EPB41L4B: variants seen among roughly 807,000 people sequenced by gnomAD.
The protein encoded by EPB41L4B is band 4.1-like protein 4B.
EPB41L4B carries 30 observed loss-of-function variants against 112.5 expected under a neutral mutation model. The ratio of observed to expected loss-of-function variants is 0.27; its 90% CI spans 0.20 to 0.36. The LOEUF (loss-of-function observed/expected upper bound fraction) is 0.36. EPB41L4B is among the 10% of genes least tolerant of loss of function. The pLI is 1.00. For missense variants in EPB41L4B, 1,024 were observed against 1,133.3 expected, an observed-to-expected ratio of 0.90 and a Z score of 1.38; for synonymous variants, 408 against 439.7, an observed-to-expected ratio of 0.93 and a Z score of 0.90.
At chr9:109,317,514 C>T (rs1470501004) in intron 1 of EPB41L4B, among the ~76,000 whole-genome samples, 2 of 152,234 alleles carry the variant, frequency 1.3e-5, no homozygotes, top group Admixed American at 1.3e-4. Flanking sequence ...GACTGAGGTG[C>T]CACAGCACGG....
At position 109,292,285 on chromosome 9, in the gene EPB41L4B, C is replaced by T. The variant is rs141588875; in HGVS notation, c.307-12364G>A. On this transcript the variant is annotated intron_variant, in intron 1 of 25. Transcript: ENST00000374566. ...TGGCTGCCCTGAGACTTGGTTTCAC[C>T]CATCACTTTTTCTGGTCACAATACT... Among the ~76,000 whole-genome samples the T allele has an allele frequency of 4.5e-3, 683 of 152,236 alleles. 5 individuals are homozygous for T. Among genetic ancestry groups the T allele is most frequent in the South Asian group, 0.02 (95 of 4,806 alleles).
chr9:109,257,340 C>T (rs899671130), intron 7 of EPB41L4B, among the ~76,000 whole-genome samples: 6 of 151,676 alleles, frequency 4.0e-5, no homozygotes, highest in Admixed American at 6.6e-5. Context: ...TGAGGGGTGG[C>T]GTTGGTAGTC....
intron 24 of EPB41L4B, among the ~76,000 whole-genome samples, chr9:109,177,433 A>G (rs1479076236): frequency 1.3e-5 from 2 of 152,218 alleles, no homozygotes; most frequent in East Asian, 3.8e-4. Flanking sequence ...TCTAGAGTAT[A>G]CTGTCTCATT....
At chr9:109,240,721 T>C (rs1834325205) in intron 15 of EPB41L4B, 1 of 985,358 alleles carries the variant, frequency 1.0e-6, no homozygotes, top group African/African-American at 1.7e-5. Flanking sequence ...AAACCTTATA[T>C]GCTTTCATTT....
At chr9:109,295,799 T>C (rs1216277269) in intron 1 of EPB41L4B, among the ~76,000 whole-genome samples, 1 of 151,952 alleles carries the variant, frequency 6.6e-6, no homozygotes. Context: ...ATAAACTCCT[T>C]GGCCATAAAA....
intron 5 of EPB41L4B, among the ~76,000 whole-genome samples, chr9:109,263,962 A>G (rs1444211283): frequency 1.3e-5 from 2 of 152,200 alleles, no homozygotes; most frequent in Non-Finnish European, 2.9e-5. Flanking sequence ...GTTGCCATTA[A>G]TATTTTTCCA....
In EPB41L4B at chr9:109,320,582, G is replaced by A. The variant is rs1837836549; in HGVS notation, c.-136C>T. On this transcript the variant is annotated 5_prime_UTR_variant, in exon 1 of 26. Transcript: ENST00000374566. Reference sequence around the variant, plus strand: ...CCCGCGCCGCCTCTCGCGGGCTACGGCCCGGGGCAAGCCCGCGCCGAGGCC... The same window carrying A: ...CCCGCGCCGCCTCTCGCGGGCTACGACCCGGGGCAAGCCCGCGCCGAGGCC... 5.9e-6 allele frequency: 2 copies of A among 339,138 alleles called. No individual in the cohort carries two copies. The highest frequency in any genetic ancestry group is 6.8e-5 in the Admixed American group (1 of 14,774). The allele number at this position is 339,138 out of a possible 1,614,324, so 21.0% of individuals were successfully genotyped here. A position where few individuals can be genotyped will look rare whatever the true frequency, so the allele number is the denominator to read the frequency against.
At chr9:109,218,989 GC>G (rs760972402) in intron 15 of EPB41L4B, among the ~76,000 whole-genome samples, 9 of 152,214 alleles carry the variant, frequency 5.9e-5, no homozygotes, top group Non-Finnish European at 1.3e-4. Context: ...CTAAGAAAAT[GC>G]AGAAGTGGAA....
chr9:109,272,702 G>A (rs1835668936), intron 2 of EPB41L4B, among the ~76,000 whole-genome samples: 2 of 143,670 alleles, frequency 1.4e-5, no homozygotes, highest in Admixed American at 6.9e-5. Flanking sequence ...GTAGTGGGCC[G>A]AGATCACACC....
intron 3 of EPB41L4B, 72 bp downstream of exon 3, chr9:109,268,319 C>T: frequency 6.5e-6 from 9 of 1,379,712 alleles, no homozygotes; most frequent in South Asian, 3.9e-5. Flanking sequence ...AAACATAACA[C>T]CTCAAAACAC....
Position 109,237,291 on chromosome 9 carries a change from A to G in EPB41L4B, c.1409+6327T>C, listed in dbSNP as rs568998699. Among the ~76,000 whole-genome samples the G allele has an allele frequency of 1.2e-3, 184 of 147,786 alleles. 1 individual carries two copies. The highest frequency in any genetic ancestry group is 2.3e-3 in the Non-Finnish European group (159 of 68,014). On this transcript the variant is annotated intron_variant, in intron 15 of 25. Transcript: ENST00000374566. ...GTTTTGAAGACCAAGGTAATTAATTACCTGGCAGGATTTAGAGACTTCTGG... is the reference window on the plus strand; with the variant it reads ...GTTTTGAAGACCAAGGTAATTAATTGCCTGGCAGGATTTAGAGACTTCTGG...
Position 109,256,237 on chromosome 9 carries a change from G to A in EPB41L4B, c.841-13C>T, listed in dbSNP as rs530948612. ...AGCCATCTCTTCCCTACAAACAAAC[G>A]AAGTGACAATCGGTAGAGGGTTCTA... On this transcript the variant is annotated splice_polypyrimidine_tract_variant and intron_variant, in intron 8 of 25. Coordinates refer to ENST00000374566, the MANE Select transcript of EPB41L4B (RefSeq NM_019114.5). The A allele has an allele frequency of 9.7e-5, 157 of 1,612,616 alleles. No individual in the cohort carries two copies. The highest frequency in any genetic ancestry group is 3.2e-4 in the Admixed American group (19 of 59,994).
intron 2 of EPB41L4B, among the ~76,000 whole-genome samples, chr9:109,269,820 T>C (rs1437787698): frequency 6.6e-6 from 1 of 152,032 alleles, no homozygotes; most frequent in African/African-American, 2.4e-5. Context: ...CTCTGCACAG[T>C]CTAATAACAA....
intron 13 of EPB41L4B, 33 bp downstream of exon 13, chr9:109,251,448 G>A (rs750742218): frequency 1.9e-6 from 3 of 1,593,590 alleles, no homozygotes; most frequent in Non-Finnish European, 2.6e-6. Context: ...CCTTAGAGAG[G>A]AGAGCTGTGC....
chr9:109,305,448 G>A (rs1837147186), intron 1 of EPB41L4B, among the ~76,000 whole-genome samples: 1 of 151,988 alleles, frequency 6.6e-6, no homozygotes, highest in African/African-American at 2.4e-5. Flanking sequence ...GTGAAACCCG[G>A]TCTCTACTAA....
chr9:109,296,491 T>A (rs1166855570), intron 1 of EPB41L4B, among the ~76,000 whole-genome samples: 2 of 152,184 alleles, frequency 1.3e-5, no homozygotes, highest in East Asian at 1.9e-4. Context: ...AAGGATTATA[T>A]GAAATGATGA....
chr9:109,291,524 G>C lies in EPB41L4B; in HGVS notation c.307-11603C>G, dbSNP rs185747073. 1.2e-3 allele frequency among the ~76,000 whole-genome samples: 190 copies of C among 152,286 alleles called. 2 individuals are homozygous for C. Among genetic ancestry groups the C allele is most frequent in the Admixed American group, 2.2e-3 (34 of 15,302 alleles). On this transcript the variant is annotated intron_variant, in intron 1 of 25. Coordinates refer to ENST00000374566, the MANE Select transcript of EPB41L4B (RefSeq NM_019114.5). ...CCAAGACGCTGTAGTGAGAAGGGAC[G>C]TCAACAGTCTAGGCGGCTCCTGGAA...
At chr9:109,320,072 C>A in intron 1 of EPB41L4B, 69 bp downstream of exon 1, 6 of 1,278,436 alleles carry the variant, frequency 4.7e-6, no homozygotes, top group Non-Finnish European at 6.0e-6. Flanking sequence ...CCGATGCAAG[C>A]ACTGGGGGAG....
intron 1 of EPB41L4B, among the ~76,000 whole-genome samples, chr9:109,286,350 G>A (rs1301046093): frequency 6.6e-6 from 1 of 152,116 alleles, no homozygotes; most frequent in Non-Finnish European, 1.5e-5. Flanking sequence ...GACTGGTGGT[G>A]CTCTACCAGC....
Sources: gnomAD v4.1 joint callset for allele counts (sites outside exome capture counted in the v4.1 genomes callset) on GRCh38, gnomAD v4.1.1 for gene constraint, MANE v1.5 for transcripts, NCBI Gene and HGNC (gene_info 2026-07-23, HGNC 2026-07-21) for gene names.